ERI3: variants seen among roughly 807,000 people sequenced by gnomAD.
ERI3 encodes the protein ERI1 exoribonuclease 3.
In ERI3, 18 loss-of-function variants were observed where a neutral mutation model predicts 44.4. That is an observed-to-expected ratio of 0.41 (90% confidence interval 0.28 to 0.60). ERI3 has a LOEUF of 0.60. Ranked by LOEUF, ERI3 falls within the 20% of genes least tolerant of loss-of-function variation. The pLI is 0.36. For missense variants in ERI3, 294 were observed against 435.5 expected, an observed-to-expected ratio of 0.68 and a Z score of 2.89; for synonymous variants, 183 against 164.8, an observed-to-expected ratio of 1.11 and a Z score of -0.84.
At chr1:44,310,956 C>CGCGCGCGCGT (rs1645949476) in intron 5 of ERI3, among the ~76,000 whole-genome samples, 1 of 74,026 alleles carries the variant, frequency 1.4e-5, no homozygotes, top group African/African-American at 5.5e-5. Context: ...GCACATCGCG[C>CGCGCGCGCGT]GCGCGCGCAC....
rs545248804 is a variant in ERI3 at position 44,295,100 on chromosome 1, G to T, written c.759-10193C>A. Among the ~76,000 whole-genome samples, 4 of 152,284 alleles carry T rather than the reference G, an allele frequency of 2.6e-5. No individual in the cohort carries two copies. The East Asian group carries it at 7.7e-4, about 29-fold the overall frequency. On this transcript the variant is annotated intron_variant, in intron 6 of 8. Transcript: ENST00000372257. Reference sequence around the variant, plus strand: ...TATACAGAGTAAGACTTCTGGGCGGGCATTAGAATAGGCTAGTGATTTTTA... The same window carrying T: ...TATACAGAGTAAGACTTCTGGGCGGTCATTAGAATAGGCTAGTGATTTTTA...
At chr1:44,290,136 G>A (rs1187831070) in intron 6 of ERI3, among the ~76,000 whole-genome samples, 2 of 152,254 alleles carry the variant, frequency 1.3e-5, no homozygotes, top group Non-Finnish European at 2.9e-5. Flanking sequence ...AAGAAAGGCT[G>A]TGGGACCTGG....
intron 5 of ERI3, among the ~76,000 whole-genome samples, chr1:44,309,235 C>A (rs1645903103): frequency 6.6e-6 from 1 of 152,178 alleles, no homozygotes. Flanking sequence ...TGGCTCAGGC[C>A]TGTAATCCCA....
At chr1:44,336,891 C>T (rs1003536331) in intron 3 of ERI3, among the ~76,000 whole-genome samples, 1 of 152,138 alleles carries the variant, frequency 6.6e-6, no homozygotes, top group Non-Finnish European at 1.5e-5. Context: ...AGGCCCAGAC[C>T]CTGGTAAACA....
chr1:44,232,126 A>G (rs1408925075), intron 8 of ERI3, among the ~76,000 whole-genome samples: 1 of 152,176 alleles, frequency 6.6e-6, no homozygotes, highest in African/African-American at 2.4e-5. Flanking sequence ...CTTATTTAAG[A>G]TATTTAAAAT....
chr1:44,276,412 G>C (rs1645182841), intron 7 of ERI3, among the ~76,000 whole-genome samples: 1 of 152,170 alleles, frequency 6.6e-6, no homozygotes, highest in Non-Finnish European at 1.5e-5. Flanking sequence ...TATGCAATAG[G>C]TAAACATATT....
chr1:44,350,183 T>C (rs1412941362), intron 2 of ERI3, among the ~76,000 whole-genome samples: 2 of 152,202 alleles, frequency 1.3e-5, no homozygotes, highest in Non-Finnish European at 2.9e-5. Flanking sequence ...GACAATAAGC[T>C]ATGAGCCCTA....
chr1:44,345,370 G>A (rs557061225), intron 2 of ERI3, among the ~76,000 whole-genome samples: 1 of 152,320 alleles, frequency 6.6e-6, no homozygotes, highest in East Asian at 1.9e-4. Flanking sequence ...GATGGTGTAT[G>A]TTTATACCAC....
intron 3 of ERI3, among the ~76,000 whole-genome samples, chr1:44,333,466 C>T (rs967626426): frequency 3.3e-5 from 5 of 152,116 alleles, no homozygotes; most frequent in African/African-American, 1.2e-4. Context: ...AGGACAAGCA[C>T]ATGGGAAGGG....
chr1:44,324,228 C>G (rs1646259837), intron 3 of ERI3, among the ~76,000 whole-genome samples: 1 of 152,154 alleles, frequency 6.6e-6, no homozygotes, highest in South Asian at 2.1e-4. Flanking sequence ...CCTAGCTGTA[C>G]CAGAAGACAC....
chr1:44,259,924 C>T (rs201464450), intron 7 of ERI3, among the ~76,000 whole-genome samples: 1,904 of 77,728 alleles, frequency 0.024, 26 homozygotes, highest in South Asian at 0.039. Context: ...GATAGATAGA[C>T]AGACAGACAG....
intron 5 of ERI3, among the ~76,000 whole-genome samples, chr1:44,309,457 T>C (rs776829295): frequency 4.6e-5 from 7 of 151,578 alleles, no homozygotes; most frequent in Non-Finnish European, 1.0e-4. Flanking sequence ...ATCACACCAC[T>C]GCACTCCAGC....
At position 44,245,624 on chromosome 1, in the gene ERI3, T is replaced by C. The variant is rs149776576; in HGVS notation, c.931+2315A>G. On this transcript the variant is annotated intron_variant, in intron 8 of 8. Coordinates refer to ENST00000372257, the MANE Select transcript of ERI3 (RefSeq NM_024066.3). ...TCACTCAGAGCCTTGGGCTGCCCCA[T>C]AGGGCCCAGCCAGATAAAGAAACCT... is the stretch of plus-strand genomic sequence containing the variant. 4.2e-3 allele frequency among the ~76,000 whole-genome samples: 637 copies of C among 152,232 alleles called. 2 individuals are homozygous for C. The highest frequency in any genetic ancestry group is 0.019 in the East Asian group (100 of 5,176).
intron 8 of ERI3, among the ~76,000 whole-genome samples, chr1:44,240,377 G>T (rs1407676451): frequency 6.6e-6 from 1 of 152,210 alleles, no homozygotes; most frequent in African/African-American, 2.4e-5. Flanking sequence ...GTAGCTGAAT[G>T]AACTTCTCTG....
chr1:44,319,273 G>A (rs1418291646), intron 4 of ERI3, among the ~76,000 whole-genome samples: 1 of 152,264 alleles, frequency 6.6e-6, no homozygotes, highest in East Asian at 1.9e-4. Flanking sequence ...ACATAACCCT[G>A]CCTTCCAAGT....
At chr1:44,309,069 A>G (rs1645900090) in intron 5 of ERI3, among the ~76,000 whole-genome samples, 1 of 152,218 alleles carries the variant, frequency 6.6e-6, no homozygotes, top group Non-Finnish European at 1.5e-5. Flanking sequence ...GCTGAGCTCA[A>G]TTGCTACAAA....
Position 44,339,340 on chromosome 1 carries a change from T to TAAA in ERI3, c.212-21_212-19dup, listed in dbSNP as rs372090718. The TAAA allele has an allele frequency of 1.6e-4, 161 of 976,206 alleles. No individual in the cohort carries two copies. Among genetic ancestry groups the TAAA allele is most frequent in the South Asian group, 4.3e-4 (12 of 28,094 alleles). The allele number at this position is 976,206 out of a possible 1,614,324, so 60.5% of individuals were successfully genotyped here. A position where few individuals can be genotyped will look rare whatever the true frequency, so the allele number is the denominator to read the frequency against. On this transcript the variant is annotated intron_variant, in intron 2 of 8. Transcript: ENST00000372257. Reference sequence around the variant, plus strand: ...ATCTAAAACTTAGGGGAGGAAAGTTTAAAAAAAAAAAAAAAAAAGAAAAGA... The same window carrying TAAA: ...ATCTAAAACTTAGGGGAGGAAAGTTTAAAAAAAAAAAAAAAAAAAAAGAAAAGA...
intron 4 of ERI3, among the ~76,000 whole-genome samples, chr1:44,317,165 C>CA (rs1397698689): frequency 2.6e-5 from 4 of 152,162 alleles, no homozygotes; most frequent in African/African-American, 9.6e-5. Flanking sequence ...CACACACACA[C>CA]ACTGGGGTTA....
chr1:44,352,763 T>C, intron 2 of ERI3, 87 bp downstream of exon 2: 1 of 1,424,972 alleles, frequency 7.0e-7, no homozygotes, highest in Non-Finnish European at 9.7e-7. Context: ...AAAAATACAA[T>C]CTGCATCAGC....
Sources: allele counts gnomAD v4.1 joint callset (sites outside exome capture counted in the v4.1 genomes callset), GRCh38; gene constraint gnomAD v4.1.1; transcripts MANE v1.5; gene names NCBI Gene and HGNC (gene_info 2026-07-23, HGNC 2026-07-21).